ERC1: variants seen among roughly 807,000 people sequenced by gnomAD.
ERC1 encodes RAB6 interacting protein 2.
ERC1 carries 56 observed loss-of-function variants against 132.0 expected under a neutral mutation model. The ratio of observed to expected loss-of-function variants is 0.42; its 90% CI spans 0.34 to 0.53. ERC1 has a LOEUF of 0.53. ERC1 is among the 20% of genes least tolerant of loss of function. ERC1 has a pLI of 0.03. For missense variants in ERC1, 1,202 were observed against 1,349.9 expected (o/e 0.89, Z 1.72); for synonymous variants, 478 against 476.1 (o/e 1.00, Z -0.05).
In ERC1 at chr12:1,062,425, A is replaced by G. The variant is rs116533833; in HGVS notation, c.670-20739A>G. ...GCATGAGCCACCACACCTTGTCATT[A>G]TGTTGTGTTTCTATTTCGGTTTTTT... On this transcript the variant is annotated intron_variant, in intron 2 of 18. Transcript: ENST00000360905. 3.5e-3 allele frequency among the ~76,000 whole-genome samples: 539 copies of G among 152,044 alleles called. 2 individuals are homozygous for G. Among genetic ancestry groups the G allele is most frequent in the African/African-American group, 0.012 (487 of 41,446 alleles).
intron 8 of ERC1, among the ~76,000 whole-genome samples, chr12:1,145,713 A>T (rs1950283468): frequency 6.6e-6 from 1 of 152,090 alleles, no homozygotes; most frequent in East Asian, 1.9e-4. Context: ...CAAGTCTTAG[A>T]TTTAAGTCTT....
intron 18 of ERC1, among the ~76,000 whole-genome samples, chr12:1,455,411 ATCT>A (rs2093510476): frequency 6.6e-6 from 1 of 152,172 alleles, no homozygotes; most frequent in African/African-American, 2.4e-5. Flanking sequence ...AGATTTCAGC[ATCT>A]TCTCTGTTTA....
intron 12 of ERC1, among the ~76,000 whole-genome samples, chr12:1,199,268 C>T (rs1044193751): frequency 3.3e-5 from 5 of 151,946 alleles, no homozygotes; most frequent in Admixed American, 1.3e-4. Context: ...CCAGGCCCCA[C>T]CTCCAACACT....
chr12:1,147,064 A>G (rs1305226207), intron 8 of ERC1, among the ~76,000 whole-genome samples: 1 of 152,194 alleles, frequency 6.6e-6, no homozygotes, highest in Admixed American at 6.5e-5. Flanking sequence ...TGCTATTGTG[A>G]ATAGTGCCGC....
intron 15 of ERC1, among the ~76,000 whole-genome samples, chr12:1,291,200 A>G (rs1481459447): frequency 6.6e-6 from 1 of 152,234 alleles, no homozygotes; most frequent in Non-Finnish European, 1.5e-5. Flanking sequence ...TTCTTGGGCT[A>G]TAGTGCAAGG....
At chr12:1,253,699 G>A (rs903159162) in intron 13 of ERC1, among the ~76,000 whole-genome samples, 2 of 152,072 alleles carry the variant, frequency 1.3e-5, no homozygotes, top group Admixed American at 6.5e-5. Flanking sequence ...AGGCAGTGGA[G>A]GGTAGAGTCT....
At chr12:1,319,140 T>A (rs2081956200) in intron 15 of ERC1, among the ~76,000 whole-genome samples, 2 of 152,160 alleles carry the variant, frequency 1.3e-5, no homozygotes, top group South Asian at 4.2e-4. Context: ...TATTTTATGT[T>A]CTATAGTGAT....
intron 17 of ERC1, among the ~76,000 whole-genome samples, chr12:1,419,375 T>C (rs541275167): frequency 6.6e-6 from 1 of 151,802 alleles, no homozygotes; most frequent in African/African-American, 2.4e-5. Flanking sequence ...TGGATACATT[T>C]CTTTATGTAG....
chr12:1,444,514 C>A, intron 17 of ERC1, 48 bp from the exon 18 acceptor site: 1 of 1,396,148 alleles, frequency 7.2e-7, no homozygotes, highest in South Asian at 1.3e-5. Flanking sequence ...TCAGACTGAC[C>A]TTGACTTTCC....
rs1241451416 is a variant in ERC1, at chr12:1,189,988, GAAA to G, written c.2288_2290del (p.Glu763_Ile764delinsVal). 2 of 1,614,118 alleles carry G rather than the reference GAAA, an allele frequency of 1.2e-6. No homozygotes were observed. The highest frequency in any genetic ancestry group is 1.7e-6 in the Non-Finnish European group (2 of 1,179,998). On this transcript the variant is annotated inframe_deletion, in exon 12 of 19. Coordinates refer to ENST00000360905, the MANE Select transcript of ERC1 (RefSeq NM_178040.4). Reference sequence around the variant, plus strand: ...CCAGGCAGAAGTTGATCGACTCTTAGAAATCTTGAAGGAGGTGGAAAATGAGAA... The same window carrying G: ...CCAGGCAGAAGTTGATCGACTCTTAGTCTTGAAGGAGGTGGAAAATGAGAA...
chr12:1,007,039 C>T (rs762451684), intron 1 of ERC1, among the ~76,000 whole-genome samples: 4 of 151,722 alleles, frequency 2.6e-5, no homozygotes, highest in Non-Finnish European at 5.9e-5. Flanking sequence ...TGTGTTCCAT[C>T]TTGGCAGTAC....
intron 2 of ERC1, among the ~76,000 whole-genome samples, chr12:1,075,734 GA>G (rs535779400): frequency 2.7e-5 from 4 of 149,030 alleles, no homozygotes; most frequent in Admixed American, 1.3e-4. Context: ...CGGGGGAAAA[GA>G]AAAAAAAAGA....
rs147257457 is a variant in ERC1, at chr12:1,460,374, G to A, written c.3213+15624G>A. 3.6e-3 allele frequency among the ~76,000 whole-genome samples: 554 copies of A among 152,244 alleles called. 2 individuals carry two copies. Among genetic ancestry groups the A allele is most frequent in the African/African-American group, 0.012 (510 of 41,534 alleles). On this transcript the variant is annotated intron_variant, in intron 18 of 18. Coordinates refer to ENST00000360905, the MANE Select transcript of ERC1 (RefSeq NM_178040.4). ...CCCAAGGTAACACCCACAGGCAGCCGCAAAATGGTGCCGTGGCAGGTGGAG... is the reference window on the plus strand; with the variant it reads ...CCCAAGGTAACACCCACAGGCAGCCACAAAATGGTGCCGTGGCAGGTGGAG...
chr12:1,480,768 G>A, intron 18 of ERC1: 1 of 699,910 alleles, frequency 1.4e-6, no homozygotes, highest in Non-Finnish European at 2.6e-6. Flanking sequence ...GTTGAAGAGA[G>A]CAAGAATATC....
chr12:1,191,475 C>A (rs981828426), intron 12 of ERC1, among the ~76,000 whole-genome samples: 1 of 152,036 alleles, frequency 6.6e-6, no homozygotes, highest in Non-Finnish European at 1.5e-5. Context: ...AAAGAAATTC[C>A]TTGAATAAGT....
At chr12:1,192,081 G>T (rs1176486387) in intron 12 of ERC1, among the ~76,000 whole-genome samples, 2 of 152,184 alleles carry the variant, frequency 1.3e-5, no homozygotes, top group African/African-American at 4.8e-5. Flanking sequence ...GTAAATTCCA[G>T]ATCAATTTTC....
At chr12:1,102,716 G>A (rs768727298) in intron 3 of ERC1, among the ~76,000 whole-genome samples, 5 of 152,172 alleles carry the variant, frequency 3.3e-5, no homozygotes, top group South Asian at 2.1e-4. Context: ...GTACATTCTC[G>A]TAGAGAATAA....
intron 18 of ERC1, 22 bp from the exon 19 acceptor site, chr12:1,490,071 C>T (rs2094302869): frequency 2.5e-6 from 4 of 1,608,150 alleles, no homozygotes; most frequent in Non-Finnish European, 3.4e-6. Flanking sequence ...TATCTGAAAT[C>T]CATCTCTCCT....
At chr12:1,432,017 T>C (rs950567874) in intron 17 of ERC1, among the ~76,000 whole-genome samples, 1 of 152,198 alleles carries the variant, frequency 6.6e-6, no homozygotes, top group African/African-American at 2.4e-5. Context: ...TAACTGGGAC[T>C]ATTGGCATGC....
Sources: gnomAD v4.1 joint callset for allele counts (sites outside exome capture counted in the v4.1 genomes callset) on GRCh38, gnomAD v4.1.1 for gene constraint, MANE v1.5 for transcripts, NCBI Gene and HGNC (gene_info 2026-07-23, HGNC 2026-07-21) for gene names.